Variants in VAMP7 observed in about 807,000 individuals in gnomAD.
The protein encoded by VAMP7 is vesicle-associated membrane protein 7.
Under a neutral mutation model 29.6 loss-of-function variants are expected in VAMP7, and 14 were observed. The observed-to-expected ratio is 0.47, with a 90% confidence interval of 0.31 to 0.74. The LOEUF (loss-of-function observed/expected upper bound fraction) is 0.74, where lower values mean the gene tolerates loss of function less well. Among genes scored for constraint, VAMP7 ranks in the 30% least tolerant of loss-of-function variants. The pLI is 0.05. For missense variants in VAMP7, 223 were observed against 262.4 expected (o/e 0.85, Z 1.04); for synonymous variants, 95 against 88.1 (o/e 1.08, Z -0.44).
intron 1 of VAMP7, among the ~76,000 whole-genome samples, chrX:155,888,385 G>A (rs545666809): frequency 1.3e-5 from 2 of 152,256 alleles, no homozygotes; most frequent in African/African-American, 2.4e-5. Context: ...GATGCCAAGA[G>A]TTTGAATTTT....
At chrX:155,928,175 G>C (rs1471127657) in intron 6 of VAMP7, among the ~76,000 whole-genome samples, 1 of 152,094 alleles carries the variant, frequency 6.6e-6, no homozygotes, top group African/African-American at 2.4e-5. Flanking sequence ...CTCCCACCTT[G>C]GCTTCCCAAA....
intron 5 of VAMP7, among the ~76,000 whole-genome samples, chrX:155,909,123 G>C (rs1350625742): frequency 6.6e-6 from 1 of 152,052 alleles, no homozygotes; most frequent in African/African-American, 2.4e-5. Context: ...CTCCATGCCC[G>C]GCCTGAAGTT....
rs200039134 is a variant in VAMP7, at chrX:155,919,982, G to GT, written c.501+111dup. On this transcript the variant is annotated intron_variant, in intron 6 of 7. Transcript: ENST00000286448. ...ATACCTTAAATTCAAATATTTGGTG[G>GT]TTTTTTTTTCTTTCTCATTTCCATT... The GT allele has an allele frequency of 5.0e-3, 4,743 of 949,066 alleles. 28 individuals carry two copies. The highest frequency in any genetic ancestry group is 0.032 in the African/African-American group (1,914 of 59,150). The allele number at this position is 949,066 out of a possible 1,614,324, so 58.8% of individuals were successfully genotyped here.
chrX:155,919,704 C>G, intron 5 of VAMP7, 109 bp from the exon 6 acceptor site: 1 of 952,530 alleles, frequency 1.0e-6, no homozygotes, highest in South Asian at 1.5e-5. Context: ...CATGCCTGTC[C>G]TTTGGCCCCA....
At chrX:155,899,788 G>A (rs1383349126) in intron 4 of VAMP7, among the ~76,000 whole-genome samples, 1 of 151,992 alleles carries the variant, frequency 6.6e-6, no homozygotes, top group African/African-American at 2.4e-5. Context: ...AGATCTGTGT[G>A]ACCTTCTGAA....
chrX:155,890,278 C>CT (rs1343011231), intron 2 of VAMP7, among the ~76,000 whole-genome samples: 4 of 152,076 alleles, frequency 2.6e-5, no homozygotes, highest in Middle Eastern at 6.3e-3. Flanking sequence ...ATATTAAGAG[C>CT]TTGGACTTTA....
At chrX:155,902,153 TC>T (rs1276109691) in intron 5 of VAMP7, among the ~76,000 whole-genome samples, 2 of 152,164 alleles carry the variant, frequency 1.3e-5, no homozygotes, top group Non-Finnish European at 2.9e-5. Context: ...GGGAGTTCAC[TC>T]ATGATTTGAC....
chrX:155,892,672 G>A (rs995003351), intron 2 of VAMP7, among the ~76,000 whole-genome samples: 6 of 152,034 alleles, frequency 3.9e-5, no homozygotes, highest in African/African-American at 9.6e-5. Context: ...GTCAGGCACC[G>A]CAATCAGACA....
intron 5 of VAMP7, among the ~76,000 whole-genome samples, chrX:155,903,403 T>A (rs193195858): frequency 2.0e-3 from 302 of 152,138 alleles, no homozygotes; most frequent in African/African-American, 6.8e-3. Context: ...GAAACTACTA[T>A]CAGAGTGAAC....
At chrX:155,913,274 C>T (rs2066263994) in intron 5 of VAMP7, among the ~76,000 whole-genome samples, 1 of 151,862 alleles carries the variant, frequency 6.6e-6, no homozygotes, top group African/African-American at 2.4e-5. Context: ...GGATATTAGC[C>T]CTTTGTCAGA....
chrX:155,910,204 A>G (rs1354124754), intron 5 of VAMP7, among the ~76,000 whole-genome samples: 1 of 152,138 alleles, frequency 6.6e-6, no homozygotes, highest in Non-Finnish European at 1.5e-5. Context: ...AGAACATGTG[A>G]TATTTGTCTT....
At chrX:155,912,756 A>G (rs145480517) in intron 5 of VAMP7, among the ~76,000 whole-genome samples, 28,492 of 152,042 alleles carry the variant, frequency 0.19, 3,550 homozygotes, top group Non-Finnish European at 0.27. Context: ...TATCCAGTCT[A>G]TCATTGTTGG....
chrX:155,913,355 G>C (rs1004736169), intron 5 of VAMP7, among the ~76,000 whole-genome samples: 4 of 152,052 alleles, frequency 2.6e-5, no homozygotes, highest in African/African-American at 9.7e-5. Flanking sequence ...TTCTTTTGCT[G>C]TGCAGAAGCT....
intron 6 of VAMP7, among the ~76,000 whole-genome samples, chrX:155,936,586 G>A (rs766555980): frequency 6.6e-6 from 1 of 152,178 alleles, no homozygotes; most frequent in African/African-American, 2.4e-5. Flanking sequence ...GATTTTCCAG[G>A]TGCCATCTGT....
chrX:155,923,556 A>G (rs2066425471), intron 6 of VAMP7, among the ~76,000 whole-genome samples: 1 of 151,638 alleles, frequency 6.6e-6, no homozygotes, highest in African/African-American at 2.4e-5. Flanking sequence ...TTCTGCTGTC[A>G]TTCTTACATA....
intron 4 of VAMP7, among the ~76,000 whole-genome samples, chrX:155,898,767 C>T (rs2066020736): frequency 6.6e-6 from 1 of 151,934 alleles, no homozygotes; most frequent in Non-Finnish European, 1.5e-5. Context: ...CCAGTTGGTC[C>T]CCTCCCCTAC....
intron 5 of VAMP7, 128 bp downstream of exon 5, chrX:155,900,715 C>T (rs1201179337): frequency 1.4e-6 from 1 of 728,278 alleles, no homozygotes; most frequent in African/African-American, 1.8e-5. Context: ...TAATTGTCAG[C>T]TGAGACAACT....
intron 1 of VAMP7, among the ~76,000 whole-genome samples, chrX:155,886,954 ATC>A (rs2065872627): frequency 4.6e-5 from 7 of 152,100 alleles, no homozygotes; most frequent in Non-Finnish European, 2.9e-5. Flanking sequence ...CTACTTTTTC[ATC>A]TCTCTGTTCC....
chrX:155,900,373 C>G (rs186062921), intron 4 of VAMP7, 124 bp from the exon 5 acceptor site: 31 of 740,494 alleles, frequency 4.2e-5, no homozygotes, highest in Non-Finnish European at 6.6e-5. Context: ...TGACATGTAT[C>G]TTTTATATCA....
Sources: allele counts gnomAD v4.1 joint callset (sites outside exome capture counted in the v4.1 genomes callset), GRCh38; gene constraint gnomAD v4.1.1; transcripts MANE v1.5; gene names NCBI Gene and HGNC (gene_info 2026-07-23, HGNC 2026-07-21).